Variants in VPS11 observed in about 807,000 individuals in gnomAD.
VPS11 encodes the protein vacuolar protein sorting-associated protein 11 homolog.
A neutral mutation model predicts 106.8 loss-of-function variants in VPS11; 51 were observed. The ratio of observed to expected loss-of-function variants is 0.48; its 90% CI spans 0.38 to 0.60. VPS11 has a LOEUF of 0.60. VPS11 is among the 20% of genes least tolerant of loss of function. The pLI is 0.00. For missense variants in VPS11, 950 were observed against 1,190.0 expected (o/e 0.80, Z 2.97); for synonymous variants, 453 against 458.7 (o/e 0.99, Z 0.16).
chr11:119,070,375 T>C lies in VPS11; in HGVS notation c.614T>C (p.Val205Ala). 2 of 1,613,250 alleles carry C rather than the reference T, an allele frequency of 1.2e-6. No individual in the cohort carries two copies. The highest frequency in any genetic ancestry group is 1.7e-6 in the Non-Finnish European group (2 of 1,179,484). ...GCAGGAAAGACCACTCACTTGTTTG[T>C]TGTGACAACAGAGAACGTCCAGGTA... ...RQAGKTTHLFVVTTENVQSYI... is the reference protein window; with the variant it reads ...RQAGKTTHLFAVTTENVQSYI... The change falls in exon 4 of 16, where the codon GTT (valine) becomes GCT (alanine). Residue 205 changes from valine (V) to alanine (A), a missense_variant. Physicochemically the swap from Val to Ala is moderately conservative, Grantham distance 64. Around this residue, in one of 3 missense-constraint regions of VPS11, gnomAD observed 435 missense variants for 630.2 expected, o/e 0.69. Transcript: ENST00000621676.
intron 6 of VPS11, 88 bp downstream of exon 6, chr11:119,073,487 T>C (rs1385640172): frequency 6.8e-7 from 1 of 1,480,288 alleles, no homozygotes; most frequent in Non-Finnish European, 9.1e-7. Context: ...GCCAGGGTGT[T>C]TCCCTCCTTG....
At chr11:119,069,996 C>A in intron 3 of VPS11, among the ~76,000 whole-genome samples, 1 of 20,502 alleles carries the variant, frequency 4.9e-5, no homozygotes, top group African/African-American at 1.8e-4. Context: ...AAAACTCTGT[C>A]TCAAAATAAA....
intron 5 of VPS11, 179 bp downstream of exon 5, chr11:119,072,022 A>C (rs1945413286): frequency 1.3e-6 from 1 of 789,910 alleles, no homozygotes; most frequent in South Asian, 1.8e-5. Context: ...CCAGGAGTGC[A>C]GTGGCGTGAT....
rs1267992564 is a variant in VPS11 at position 119,068,016 on chromosome 11, CTTCG to C, written c.187+9_187+12del. 2 of 1,598,108 alleles carry C rather than the reference CTTCG, an allele frequency of 1.3e-6. No homozygotes were observed. The highest frequency in any genetic ancestry group is 1.7e-6 in the Non-Finnish European group (2 of 1,168,842). On this transcript the variant is annotated splice_region_variant and intron_variant, in intron 1 of 15. Transcript: ENST00000621676. ...AGGGAGCCTGGTCTTTGGAGATATCCTTCGTTTGGAGCTGTCTTTTCCCTCCCGG... is the reference window on the plus strand; with the variant it reads ...AGGGAGCCTGGTCTTTGGAGATATCCTTTGGAGCTGTCTTTTCCCTCCCGG...
chr11:119,068,841 T>G (rs1945236631), intron 1 of VPS11, among the ~76,000 whole-genome samples: 1 of 151,828 alleles, frequency 6.6e-6, no homozygotes, highest in African/African-American at 2.4e-5. Context: ...AACCTCCGCC[T>G]CCCGGGTTCA....
rs1945474922 is a variant in VPS11 at position 119,073,397 on chromosome 11, G to T, written c.1084G>T (p.Glu362Ter). The change falls in exon 6 of 16, where the codon GAG becomes TAG. Residue 362 changes from glutamate (E) to a stop codon, truncating the protein, a stop_gained and splice_region_variant. Coordinates refer to ENST00000621676, the MANE Select transcript of VPS11 (RefSeq NM_021729.6). LOFTEE classifies it high-confidence loss of function. The part of the protein sequence containing the change: ...LQEKDTQTKL[E>*]MLFKKNLFEM... ...GGAGAAGGACACACAGACCAAACTG[G>T]AGGCAAGGCCACCAGGCTCGCAGAG... 1 of 1,612,332 alleles carries T rather than the reference G, an allele frequency of 6.2e-7. No individual in the cohort carries two copies.
chr11:119,073,338 T>C lies in VPS11; in HGVS notation c.1025T>C (p.Val342Ala). 3 of 1,613,960 alleles carry C rather than the reference T, an allele frequency of 1.9e-6. No homozygotes were observed. Among genetic ancestry groups the C allele is most frequent in the Non-Finnish European group, 2.5e-6 (3 of 1,179,890 alleles). Residue 342 changes from valine (V) to alanine (A), a missense_variant, in exon 6 of 16, where the codon GTG (valine) becomes GCG (alanine). Val to Ala is a moderately conservative substitution (Grantham distance 64, BLOSUM62 0). This residue lies in a region of VPS11 where 435 missense variants were observed against 630.2 expected (regional missense o/e 0.69). Coordinates refer to ENST00000621676, the MANE Select transcript of VPS11 (RefSeq NM_021729.6). ...DVLAEWGSLY[V>A]LTRDGRVHAL... The stretch of plus-strand genomic sequence containing the variant: ...CTTGCTGAGTGGGGCTCCCTGTACG[T>C]GCTGACGCGGGATGGGCGGGTCCAC...
In VPS11 at chr11:119,078,549, C is replaced by G; in HGVS notation, c.1924-16C>G. 1 of 1,605,122 alleles carries G rather than the reference C, an allele frequency of 6.2e-7. No homozygotes were observed. Among genetic ancestry groups the G allele is most frequent in the Non-Finnish European group, 8.5e-7 (1 of 1,172,878 alleles). The stretch of plus-strand genomic sequence containing the variant: ...TTCCCCTTTTGTCCAGCAGCTCTGC[C>G]CTCCTTCCTCTCCAGGTCAAAGAGA... On this transcript the variant is annotated splice_polypyrimidine_tract_variant and intron_variant, in intron 11 of 15. Transcript: ENST00000621676.
At position 119,078,967 on chromosome 11, in the gene VPS11, G is replaced by A. The variant is rs1342984922; in HGVS notation, c.2236G>A (p.Glu746Lys). The A allele has an allele frequency of 3.1e-6, 5 of 1,613,920 alleles. No individual in the cohort carries two copies. The highest frequency in any genetic ancestry group is 1.1e-5 in the South Asian group (1 of 91,078). Residue 746 changes from glutamate (E) to lysine (K), a missense_variant, in exon 13 of 16, where the codon GAG becomes AAG. Physicochemically the swap from Glu to Lys is moderately conservative, Grantham distance 56 (BLOSUM62 1). Around this residue, in one of 3 missense-constraint regions of VPS11, gnomAD observed 453 missense variants for 514.6 expected, o/e 0.88. Coordinates refer to ENST00000621676, the MANE Select transcript of VPS11 (RefSeq NM_021729.6). ...TGTGGCAGCTGTCCTCAAGCATATC[G>A]AGAACAAGAACCTCATGCCACCTCT... is the stretch of plus-strand genomic sequence containing the variant. The part of the protein sequence containing the change: ...EYVAAVLKHI[E>K]NKNLMPPLLV...
chr11:119,078,822 G>T lies in VPS11; in HGVS notation c.2091G>T (p.Met697Ile). ...TCCAGCAGATCATGCACTACCACAT[G>T]CAGCACGAGCAGTACCGGCAGGTCA... ...KLFQQIMHYH[M>I]QHEQYRQVIS... The change falls in exon 13 of 16, where the codon ATG (methionine) becomes ATT (isoleucine). Residue 697 changes from methionine to isoleucine, a missense_variant. Met to Ile is a conservative substitution (Grantham distance 10). Transcript: ENST00000621676. 1.2e-6 allele frequency: 2 copies of T among 1,613,776 alleles called. No individual in the cohort carries two copies. Among genetic ancestry groups the T allele is most frequent in the Non-Finnish European group, 1.7e-6 (2 of 1,179,798 alleles).
At position 119,077,050 on chromosome 11, in the gene VPS11, C is replaced by G. The variant is rs782073552; in HGVS notation, c.1392C>G (p.Leu464=). Residue 464 remains leucine (L), a synonymous_variant, in exon 8 of 16, where the codon CTC becomes CTG. Transcript: ENST00000621676. The part of the protein sequence containing the change: ...TTLLLNCYTK[L]KDSSKLEEFI... ...TGCTCCTCAACTGCTATACCAAGCT[C>G]AAGGACAGCTCGAAGCTGGAGGAGT... 1.9e-6 allele frequency: 3 copies of G among 1,613,552 alleles called. No individual in the cohort carries two copies. Among genetic ancestry groups the G allele is most frequent in the East Asian group, 2.2e-5 (1 of 44,882 alleles).
At chr11:119,074,856 A>G (rs1303273980) in intron 7 of VPS11, among the ~76,000 whole-genome samples, 1 of 152,276 alleles carries the variant, frequency 6.6e-6, no homozygotes, top group Non-Finnish European at 1.5e-5. Context: ...GGCCTTTGTA[A>G]ATATTCACTT....
At position 119,079,393 on chromosome 11, in the gene VPS11, G is replaced by A. The variant is rs1021574040; in HGVS notation, c.2438+93G>A. ...AAGTACTTTCCGTAGAGGATACTAT[G>A]GAGTGCTTTTGAGCATTTTGATTCT... On this transcript the variant is annotated intron_variant, in intron 14 of 15. Transcript: ENST00000621676. 9 of 1,409,260 alleles carry A rather than the reference G, an allele frequency of 6.4e-6. No individual in the cohort carries two copies. In the African/African-American group the frequency reaches 1.0e-4, roughly 16 times the overall value. The allele number at this position is 1,409,260 out of a possible 1,614,324, so 87.3% of individuals were successfully genotyped here.
In VPS11 at chr11:119,069,425, C is replaced by T. The variant is rs1445613139; in HGVS notation, c.337-17C>T. ...TGGAGGATGACTAGCATTTACACTT[C>T]TGAGGTCTGTCCACAGGTTAAGATC... On this transcript the variant is annotated splice_polypyrimidine_tract_variant and intron_variant, in intron 2 of 15. Transcript: ENST00000621676. The T allele has an allele frequency of 3.7e-6, 6 of 1,613,976 alleles. No homozygotes were observed. In the Admixed American group the frequency reaches 8.3e-5, roughly 22 times the overall value.
At chr11:119,070,569 G>A in intron 4 of VPS11, 172 bp downstream of exon 4, 5 of 640,718 alleles carry the variant, frequency 7.8e-6, no homozygotes, top group Non-Finnish European at 1.2e-5. Flanking sequence ...GCTGGAAAGA[G>A]TTAGACTCTG....
rs555370311 is a variant in VPS11 at position 119,075,915 on chromosome 11, GATAATA to G, written c.1239-968_1239-963del. 1.1e-3 allele frequency among the ~76,000 whole-genome samples: 141 copies of G among 133,486 alleles called. No individual in the cohort carries two copies. In the East Asian group the frequency reaches 0.018, roughly 17 times the overall value. 87.6% of individuals were successfully genotyped at this position (133,486 alleles called of 152,430 possible). On this transcript the variant is annotated intron_variant, in intron 7 of 15. Coordinates refer to ENST00000621676, the MANE Select transcript of VPS11 (RefSeq NM_021729.6). Reference sequence around the variant, plus strand: ...AGACTCTATCAAAAAAATAATAGTAGATAATAATAATAATAATAAATAAATAAATTG... The same window carrying G: ...AGACTCTATCAAAAAAATAATAGTAGATAATAATAATAAATAAATAAATTG...
intron 1 of VPS11, 122 bp downstream of exon 1, chr11:119,068,132 G>A: frequency 8.6e-7 from 1 of 1,164,350 alleles, no homozygotes; most frequent in South Asian, 1.6e-5. Context: ...GTCATCCAGA[G>A]TTGTTCTGTG....
rs191133267 is a variant in VPS11 at position 119,070,257 on chromosome 11, T to C, written c.496T>C (p.Leu166=). The C allele has an allele frequency of 1.0e-3, 1,633 of 1,612,172 alleles. 13 individuals are homozygous for C. The highest frequency in any genetic ancestry group is 7.6e-3 in the Middle Eastern group (46 of 6,056). The stretch of plus-strand genomic sequence containing the variant: ...AGGTTTCACAGATGGCAGTGTTACA[T>C]TGAACAAAGGAGACATCACCCGGGA... The part of the protein sequence containing the change: ...AIGFTDGSVT[L]NKGDITRDRH... The change falls in exon 4 of 16, where the codon TTG becomes CTG. Residue 166 remains leucine, a synonymous_variant. Coordinates refer to ENST00000621676, the MANE Select transcript of VPS11 (RefSeq NM_021729.6).
chr11:119,077,923 C>T lies in VPS11; in HGVS notation c.1618C>T (p.Gln540Ter). The T allele has an allele frequency of 6.2e-7, 1 of 1,614,040 alleles. No homozygotes were observed. Among genetic ancestry groups the T allele is most frequent in the Non-Finnish European group, 8.5e-7 (1 of 1,179,908 alleles). Residue 540 changes from glutamine (Q) to a stop codon, truncating the protein, a stop_gained, in exon 10 of 16, where the codon CAG becomes TAG. Coordinates refer to ENST00000621676, the MANE Select transcript of VPS11 (RefSeq NM_021729.6). LOFTEE classifies it high-confidence loss of function. Reference sequence around the variant, plus strand: ...ATACATCGGCAAGCTGCCTTTTGAGCAGGCAGAGAGCAACATGAAGCGCTA... The same window carrying T: ...ATACATCGGCAAGCTGCCTTTTGAGTAGGCAGAGAGCAACATGAAGCGCTA... ...LRYIGKLPFE[Q>*]AESNMKRYGK... is the part of the protein sequence containing the mutation.
Sources: gnomAD v4.1 joint callset for allele counts (sites outside exome capture counted in the v4.1 genomes callset) on GRCh38, gnomAD v4.1.1 for gene constraint, gnomAD v4.1.1 regional missense constraint, MANE v1.5 for transcripts, NCBI Gene and HGNC (gene_info 2026-07-23, HGNC 2026-07-21) for gene names.